The following PBX3 variants were observed in gnomAD, a reference collection of about 807,000 sequenced individuals.
PBX3 encodes PBX homeobox 3.
PBX3 carries 14 observed loss-of-function variants against 48.5 expected under a neutral mutation model. That is an observed-to-expected ratio of 0.29 (90% CI 0.19 to 0.45). The LOEUF (loss-of-function observed/expected upper bound fraction) is 0.45. PBX3 is among the 20% of genes least tolerant of loss of function. The pLI is 1.00. For synonymous variants in PBX3, 210 were observed against 200.3 expected (o/e 1.05, Z -0.41); for missense variants, 386 against 546.7 (o/e 0.71, Z 2.93).
At position 125,899,454 on chromosome 9, in the gene PBX3, T is replaced by TAG. The variant is rs202004098; in HGVS notation, c.275-16199_275-16198dup. On this transcript the variant is annotated intron_variant, in intron 2 of 8. Transcript: ENST00000373489. ...ATATATATGTGTGTATATATATATA[T>TAG]AGAGAGAGAGAGAGAGAGAGAGAGA... Among the ~76,000 whole-genome samples the TAG allele has an allele frequency of 9.0e-3, 930 of 103,736 alleles. 33 individuals carry two copies. Among genetic ancestry groups the TAG allele is most frequent in the Middle Eastern group, 0.03 (6 of 202 alleles). The allele number at this position is 103,736 out of a possible 152,430, so 68.1% of individuals were successfully genotyped here. A position where few individuals can be genotyped will look rare whatever the true frequency, so the allele number is the denominator to read the frequency against.
chr9:125,831,850 C>T (rs1838970860), intron 2 of PBX3, among the ~76,000 whole-genome samples: 2 of 152,088 alleles, frequency 1.3e-5, no homozygotes. Flanking sequence ...ACTTTCTGGC[C>T]CACCAAAACG....
chr9:125,751,577 G>C (rs545455707), intron 2 of PBX3, among the ~76,000 whole-genome samples: 1 of 152,030 alleles, frequency 6.6e-6, no homozygotes, highest in African/African-American at 2.4e-5. Context: ...ATATTCTTTC[G>C]TAAAATTGAT....
At chr9:125,947,505 AAAAGT>A (rs1233140680) in intron 5 of PBX3, among the ~76,000 whole-genome samples, 2 of 152,176 alleles carry the variant, frequency 1.3e-5, no homozygotes, top group African/African-American at 2.4e-5. Context: ...TTACTTAAAG[AAAAGT>A]AAAGCATATA....
chr9:125,879,266 A>G (rs1025937195), intron 2 of PBX3, among the ~76,000 whole-genome samples: 2 of 151,856 alleles, frequency 1.3e-5, no homozygotes, highest in Non-Finnish European at 2.9e-5. Context: ...TGTAGTAGAG[A>G]TGGGATTTCA....
chr9:125,857,135 T>C (rs1839744816), intron 2 of PBX3, among the ~76,000 whole-genome samples: 1 of 152,204 alleles, frequency 6.6e-6, no homozygotes, highest in Non-Finnish European at 1.5e-5. Context: ...GGATTTAAAC[T>C]ATATATAGGA....
chr9:125,783,876 C>T (rs190673763), intron 2 of PBX3, among the ~76,000 whole-genome samples: 141 of 152,128 alleles, frequency 9.3e-4, no homozygotes, highest in Admixed American at 2.4e-3. Flanking sequence ...TGGCGCACGC[C>T]TATAATCCCA....
rs531742087 is a variant in PBX3 at position 125,835,178 on chromosome 9, A to G, written c.275-80508A>G. 9.2e-5 allele frequency among the ~76,000 whole-genome samples: 14 copies of G among 152,196 alleles called. No homozygotes were observed. In the South Asian group the frequency reaches 2.7e-3, roughly 29 times the overall value. ...AATTACTACTTATTGAGTGTTTACT[A>G]TGTGCCAGGCACAGTTCTAGGCATC... is the stretch of plus-strand genomic sequence containing the variant. On this transcript the variant is annotated intron_variant, in intron 2 of 8. Coordinates refer to ENST00000373489, the MANE Select transcript of PBX3 (RefSeq NM_006195.6).
chr9:125,780,534 C>A (rs536962893), intron 2 of PBX3, among the ~76,000 whole-genome samples: 1 of 141,918 alleles, frequency 7.0e-6, no homozygotes, highest in African/African-American at 2.6e-5. Context: ...CCACCTCCCT[C>A]CTGGACGGGG....
At chr9:125,841,642 G>T (rs983067380) in intron 2 of PBX3, among the ~76,000 whole-genome samples, 1 of 152,158 alleles carries the variant, frequency 6.6e-6, no homozygotes, top group Non-Finnish European at 1.5e-5. Flanking sequence ...GCTGGTGTAT[G>T]ACTTGTTTTG....
intron 2 of PBX3, among the ~76,000 whole-genome samples, chr9:125,866,695 C>T (rs566830234): frequency 2.0e-5 from 3 of 152,130 alleles, no homozygotes; most frequent in South Asian, 4.1e-4. Context: ...GCTAACAGGG[C>T]TATCCTTTGT....
intron 2 of PBX3, among the ~76,000 whole-genome samples, chr9:125,881,490 A>G (rs564070518): frequency 5.0e-4 from 76 of 152,354 alleles, no homozygotes; most frequent in African/African-American, 1.7e-3. Context: ...CTCATCACCA[A>G]TTTAATTCAA....
intron 2 of PBX3, among the ~76,000 whole-genome samples, chr9:125,792,150 A>G (rs1405721196): frequency 6.6e-6 from 1 of 152,206 alleles, no homozygotes. Flanking sequence ...GATGTAGGAA[A>G]AGAATACTGT....
intron 2 of PBX3, among the ~76,000 whole-genome samples, chr9:125,831,915 C>T (rs2132194163): frequency 6.6e-6 from 1 of 152,194 alleles, no homozygotes; most frequent in African/African-American, 2.4e-5. Context: ...GCCATTTCTC[C>T]AAAGAGCCAT....
intron 2 of PBX3, among the ~76,000 whole-genome samples, chr9:125,767,884 G>A (rs1009474799): frequency 9.2e-5 from 14 of 151,760 alleles, no homozygotes; most frequent in African/African-American, 3.1e-4. Context: ...TCAGAAAAAT[G>A]GAATAGAACA....
intron 3 of PBX3, among the ~76,000 whole-genome samples, chr9:125,923,229 T>G (rs558276288): frequency 6.6e-6 from 1 of 152,348 alleles, no homozygotes; most frequent in African/African-American, 2.4e-5. Context: ...AAACACTCAT[T>G]CTGGAGAGGT....
At chr9:125,933,500 C>T (rs561405145) in intron 4 of PBX3, among the ~76,000 whole-genome samples, 10 of 152,230 alleles carry the variant, frequency 6.6e-5, no homozygotes, top group African/African-American at 2.4e-4. Flanking sequence ...CTTTTTGATC[C>T]TCCTTTCATA....
At chr9:125,852,401 C>A (rs1391510195) in intron 2 of PBX3, among the ~76,000 whole-genome samples, 1 of 152,088 alleles carries the variant, frequency 6.6e-6, no homozygotes, top group East Asian at 1.9e-4. Context: ...CTTCTTACTA[C>A]CTGTTTTAAT....
chr9:125,889,843 C>T (rs921239265), intron 2 of PBX3, among the ~76,000 whole-genome samples: 3 of 148,006 alleles, frequency 2.0e-5, no homozygotes, highest in African/African-American at 7.3e-5. Flanking sequence ...CGGCTCCGCG[C>T]TGCGAGAACA....
At chr9:125,859,036 CAAGTCT>C (rs1400831839) in intron 2 of PBX3, among the ~76,000 whole-genome samples, 1 of 152,146 alleles carries the variant, frequency 6.6e-6, no homozygotes, top group Non-Finnish European at 1.5e-5. Flanking sequence ...TGCCCATAGA[CAAGTCT>C]AAGGCCTGTG....
Sources: gnomAD v4.1 joint callset for allele counts (sites outside exome capture counted in the v4.1 genomes callset) on GRCh38, gnomAD v4.1.1 for gene constraint, MANE v1.5 for transcripts, NCBI Gene and HGNC (gene_info 2026-07-23, HGNC 2026-07-21) for gene names.